The following ADAM22 variants were observed in gnomAD, a reference collection of about 807,000 sequenced individuals.
ADAM22 encodes the protein ADAM metallopeptidase domain 22.
Under a neutral mutation model 144.6 loss-of-function variants are expected in ADAM22, and 65 were observed. The observed-to-expected ratio is 0.45, with a 90% CI of 0.37 to 0.55. The LOEUF (loss-of-function observed/expected upper bound fraction) is 0.55. Ranked by LOEUF, ADAM22 falls within the 20% of genes least tolerant of loss-of-function variation. The probability of loss-of-function intolerance (pLI) is 0.00; values close to 1 mark genes in which losing one functional copy is unlikely to be tolerated. For synonymous variants in ADAM22, 391 were observed against 412.6 expected, an observed-to-expected ratio of 0.95 and a Z score of 0.63; for missense variants, 974 against 1,184.9, an observed-to-expected ratio of 0.82 and a Z score of 2.61.
At chr7:88,132,137 T>TG (rs1831959186) in intron 11 of ADAM22, 1 of 141,886 alleles carries the variant, frequency 7.0e-6, no homozygotes, top group Non-Finnish European at 1.5e-5. Flanking sequence ...CATCCTTCAG[T>TG]TTTTTTTTTG....
At chr7:88,134,237 T>G (rs1400113530) in intron 12 of ADAM22, 92 bp from the exon 13 acceptor site, 6 of 948,682 alleles carry the variant, frequency 6.3e-6, no homozygotes, top group Non-Finnish European at 9.4e-6. Context: ...TAGAAATTAC[T>G]TATTTTCAGC....
intron 20 of ADAM22, among the ~76,000 whole-genome samples, chr7:88,151,677 A>G (rs927122290): frequency 2.6e-5 from 4 of 152,158 alleles, no homozygotes; most frequent in Non-Finnish European, 4.4e-5. Context: ...TCACAACCAT[A>G]TGGGATGGAC....
chr7:87,972,281 C>T lies in ADAM22; in HGVS notation c.247-6055C>T, dbSNP rs1319352586. Among the ~76,000 whole-genome samples, 5 of 151,542 alleles carry T rather than the reference C, an allele frequency of 3.3e-5. No homozygotes were observed. In the South Asian group the frequency reaches 6.2e-4, roughly 19 times the overall value. On this transcript the variant is annotated intron_variant, in intron 2 of 31. Transcript: ENST00000413139. The stretch of plus-strand genomic sequence containing the variant: ...TACAAAAATCACAAGCATTCTTATA[C>T]ACCAATAACAGACAAACAGAGAGCC...
Position 88,079,995 on chromosome 7 carries a change from A to G in ADAM22, c.390+4303A>G, listed in dbSNP as rs138201918. ...TTGAATTCAGCTCTGCACCAAGCAGACCTAATAGACATCTACAGAACTCTC... is the reference window on the plus strand; with the variant it reads ...TTGAATTCAGCTCTGCACCAAGCAGGCCTAATAGACATCTACAGAACTCTC... On this transcript the variant is annotated intron_variant, in intron 4 of 31. Coordinates refer to ENST00000413139, the MANE Select transcript of ADAM22 (RefSeq NM_001324418.2). 5.5e-3 allele frequency among the ~76,000 whole-genome samples: 841 copies of G among 152,346 alleles called. 11 individuals carry two copies. The highest frequency in any genetic ancestry group is 0.037 in the East Asian group (193 of 5,184).
At chr7:88,028,353 T>C (rs1799489828) in intron 3 of ADAM22, among the ~76,000 whole-genome samples, 1 of 152,226 alleles carries the variant, frequency 6.6e-6, no homozygotes, top group Non-Finnish European at 1.5e-5. Context: ...AGATTTGGTA[T>C]AATTTCATTT....
At chr7:88,010,565 G>T (rs1175164755) in intron 3 of ADAM22, among the ~76,000 whole-genome samples, 1 of 152,110 alleles carries the variant, frequency 6.6e-6, no homozygotes, top group Non-Finnish European at 1.5e-5. Context: ...GCAGTGTGGG[G>T]TTCTATAGTC....
At chr7:88,091,701 C>T (rs1819894708) in intron 4 of ADAM22, among the ~76,000 whole-genome samples, 1 of 152,132 alleles carries the variant, frequency 6.6e-6, no homozygotes, top group Admixed American at 6.6e-5. Flanking sequence ...GGAAGTCTGG[C>T]ACCAGAATGT....
At chr7:88,088,108 C>A (rs563490014) in intron 4 of ADAM22, among the ~76,000 whole-genome samples, 1 of 152,228 alleles carries the variant, frequency 6.6e-6, no homozygotes, top group Admixed American at 6.5e-5. Context: ...GTTATTATGA[C>A]TCTAGGGAAC....
At chr7:88,135,783 A>G (rs138676688) in intron 13 of ADAM22, among the ~76,000 whole-genome samples, 197 bp from the exon 14 acceptor site, 11 of 152,342 alleles carry the variant, frequency 7.2e-5, no homozygotes, top group Admixed American at 1.3e-4. Flanking sequence ...CAAAAATTAT[A>G]TAATCTTGAT....
chr7:88,113,703 A>AATGTGTGTATATATATATATATAT (rs1554478727), intron 5 of ADAM22, among the ~76,000 whole-genome samples: 1 of 48,106 alleles, frequency 2.1e-5, no homozygotes, highest in African/African-American at 8.0e-5. Context: ...TAAATAAATA[A>AATGTGTGTATATATATATATATAT]ATATATATAT....
chr7:88,116,926 A>G (rs1419523894), intron 7 of ADAM22, 112 bp downstream of exon 7: 6 of 759,916 alleles, frequency 7.9e-6, no homozygotes, highest in Non-Finnish European at 1.2e-5. Flanking sequence ...TGCTTTTGAC[A>G]TTTTTAGAGG....
intron 7 of ADAM22, among the ~76,000 whole-genome samples, chr7:88,121,667 A>G (rs1829339286): frequency 6.6e-6 from 1 of 152,134 alleles, no homozygotes; most frequent in South Asian, 2.1e-4. Flanking sequence ...GCTGCCCCCC[A>G]CCAACCTGGT....
chr7:88,169,711 C>A (rs1409636015), intron 25 of ADAM22, among the ~76,000 whole-genome samples: 1 of 152,094 alleles, frequency 6.6e-6, no homozygotes, highest in African/African-American at 2.4e-5. Flanking sequence ...AGGAAGGCTT[C>A]TCTTTTTGTC....
intron 3 of ADAM22, among the ~76,000 whole-genome samples, chr7:88,054,588 C>CTGTGTGTGTGTGTGTGTGTGTG (rs58027941): frequency 6.0e-5 from 8 of 132,284 alleles, no homozygotes; most frequent in East Asian, 2.3e-4. Flanking sequence ...AGGTGCCCTC[C>CTGTGTGTGTGTGTGTGTGTGTG]TGTGTGTGTG....
chr7:88,159,581 G>A (rs778639118), intron 22 of ADAM22, among the ~76,000 whole-genome samples: 45 of 151,966 alleles, frequency 3.0e-4, no homozygotes, highest in African/African-American at 8.2e-4. Flanking sequence ...CTTTGTTCCC[G>A]GGTTCCAAGT....
At chr7:87,963,828 G>A (rs1848498457) in intron 2 of ADAM22, among the ~76,000 whole-genome samples, 1 of 152,144 alleles carries the variant, frequency 6.6e-6, no homozygotes, top group South Asian at 2.1e-4. Flanking sequence ...GATACTGTTG[G>A]GGTCAAGTTC....
chr7:87,995,213 A>T (rs1790867910), intron 3 of ADAM22, among the ~76,000 whole-genome samples: 1 of 152,306 alleles, frequency 6.6e-6, no homozygotes, highest in East Asian at 1.9e-4. Flanking sequence ...TGGGAATCTC[A>T]GTGCCTGGAT....
intron 2 of ADAM22, among the ~76,000 whole-genome samples, chr7:87,955,546 T>TG (rs1464199899): frequency 6.6e-6 from 1 of 152,160 alleles, no homozygotes; most frequent in South Asian, 2.1e-4. Context: ...CTGCCCCTAC[T>TG]GGGGGGTGCC....
chr7:88,158,314 A>G lies in ADAM22; in HGVS notation c.1907+2308A>G, dbSNP rs115887126. On this transcript the variant is annotated intron_variant, in intron 22 of 31. Coordinates refer to ENST00000413139, the MANE Select transcript of ADAM22 (RefSeq NM_001324418.2). Reference sequence around the variant, plus strand: ...CTCACAATAACAGTAGGAGACTTCAACACTTCACTGATAGTATTAGATAGA... The same window carrying G: ...CTCACAATAACAGTAGGAGACTTCAGCACTTCACTGATAGTATTAGATAGA... Among the ~76,000 whole-genome samples the G allele has an allele frequency of 8.7e-3, 1,330 of 152,288 alleles. 23 individuals are homozygous for G. Among genetic ancestry groups the G allele is most frequent in the African/African-American group, 0.03 (1,262 of 41,566 alleles).
Sources: allele counts gnomAD v4.1 joint callset (sites outside exome capture counted in the v4.1 genomes callset), GRCh38; gene constraint gnomAD v4.1.1; transcripts MANE v1.5; gene names NCBI Gene and HGNC (gene_info 2026-07-23, HGNC 2026-07-21).